Variants in ARID1B observed in about 807,000 individuals in gnomAD.
The protein encoded by ARID1B is AT-rich interaction domain 1B.
In ARID1B, 30 loss-of-function variants were observed where a neutral mutation model predicts 212.3. That is an observed-to-expected ratio of 0.14 (90% CI 0.11 to 0.19). The LOEUF (loss-of-function observed/expected upper bound fraction) is 0.19. ARID1B is among the 10% of genes least tolerant of loss of function. ARID1B has a pLI of 1.00. For synonymous variants in ARID1B, 1,402 were observed against 1,301.7 expected, an observed-to-expected ratio of 1.08 and a Z score of -1.66; for missense variants, 2,891 against 3,204.0, an observed-to-expected ratio of 0.90 and a Z score of 2.36.
At chr6:157,138,840 G>A (rs1250382773) in intron 7 of ARID1B, among the ~76,000 whole-genome samples, 1 of 152,110 alleles carries the variant, frequency 6.6e-6, no homozygotes, top group Non-Finnish European at 1.5e-5. Flanking sequence ...CTTCTATACT[G>A]TTATGTTTTA....
At chr6:157,189,954 T>C (rs1210781110) in intron 14 of ARID1B, 84 bp from the exon 15 acceptor site, 26 of 1,584,068 alleles carry the variant, frequency 1.6e-5, no homozygotes, top group Non-Finnish European at 2.1e-5. Flanking sequence ...TTTGCACATT[T>C]CAAGATGGGT....
chr6:157,163,862 T>TA (rs1466506843), intron 8 of ARID1B, among the ~76,000 whole-genome samples: 4 of 152,326 alleles, frequency 2.6e-5, no homozygotes, highest in African/African-American at 9.6e-5. Context: ...TTAGCAGTGT[T>TA]AGAGTCCCAT....
intron 4 of ARID1B, among the ~76,000 whole-genome samples, chr6:157,083,790 A>G (rs75809715): frequency 0.025 from 3,839 of 152,348 alleles, 73 homozygotes; most frequent in Non-Finnish European, 0.042. Flanking sequence ...TTTTCACAAT[A>G]TCATATATAA....
At chr6:157,064,196 C>G (rs368513667) in intron 4 of ARID1B, among the ~76,000 whole-genome samples, 22 of 152,266 alleles carry the variant, frequency 1.4e-4, no homozygotes, top group African/African-American at 5.3e-4. Context: ...CTGATCAGCC[C>G]CTCGTTTGAC....
chr6:156,902,735 CA>C (rs869259426), intron 3 of ARID1B, among the ~76,000 whole-genome samples: 1,326 of 61,502 alleles, frequency 0.022, 1 homozygote, highest in Non-Finnish European at 0.028. Context: ...GACTCTGTCT[CA>C]AAAAAAAAAA....
At chr6:156,901,262 G>T in intron 2 of ARID1B, 114 bp from the exon 3 acceptor site, 1 of 1,156,154 alleles carries the variant, frequency 8.6e-7, no homozygotes, top group Non-Finnish European at 1.3e-6. Context: ...TAGAAATATT[G>T]AGTTTAGTTG....
At chr6:157,021,433 C>T (rs911184239) in intron 4 of ARID1B, among the ~76,000 whole-genome samples, 1 of 152,196 alleles carries the variant, frequency 6.6e-6, no homozygotes, top group Admixed American at 6.5e-5. Flanking sequence ...CGGAGGGGAC[C>T]GAGTCACACA....
chr6:157,099,267 T>C (rs10485198), intron 5 of ARID1B, among the ~76,000 whole-genome samples: 16,636 of 152,222 alleles, frequency 0.11, 961 homozygotes, highest in African/African-American at 0.13. Flanking sequence ...TTATCTTTAA[T>C]CAAAGCTGTG....
intron 2 of ARID1B, among the ~76,000 whole-genome samples, chr6:156,891,666 G>A (rs1787931707): frequency 6.6e-6 from 1 of 152,080 alleles, no homozygotes; most frequent in South Asian, 2.1e-4. Context: ...TAAATATAGT[G>A]TAAAATGAGG....
intron 2 of ARID1B, among the ~76,000 whole-genome samples, chr6:156,852,053 G>T (rs546162309): frequency 6.6e-6 from 1 of 152,060 alleles, no homozygotes; most frequent in Admixed American, 6.5e-5. Flanking sequence ...TTTACCTCTC[G>T]CAAGAGCATA....
chr6:156,851,574 A>G (rs1177733583), intron 2 of ARID1B, among the ~76,000 whole-genome samples: 1 of 152,174 alleles, frequency 6.6e-6, no homozygotes, highest in African/African-American at 2.4e-5. Flanking sequence ...TTCACTTTCA[A>G]GCTCCAGAAA....
rs1342324128 is a variant in ARID1B at position 157,094,218 on chromosome 6, A to G, written c.2491+9313A>G. Among the ~76,000 whole-genome samples, 1 of 152,136 alleles carries G rather than the reference A, an allele frequency of 6.6e-6. No homozygotes were observed. Among genetic ancestry groups the G allele is most frequent in the African/African-American group, 2.4e-5 (1 of 41,428 alleles). ...AAGGCCCTGAGTTAGTATTGTGCTT[A>G]GTGTGTTGGGCGGCGAACACCAGGA... On this transcript the variant is annotated intron_variant, in intron 5 of 19. Coordinates refer to ENST00000636930, the MANE Select transcript of ARID1B (RefSeq NM_001374828.1). This position sits in a 1 kb window ranked among gnomAD's most constrained non-coding sequence, Gnocchi z 4.3.
intron 3 of ARID1B, among the ~76,000 whole-genome samples, chr6:156,910,984 G>A (rs547377539): frequency 4.6e-5 from 7 of 152,254 alleles, no homozygotes; most frequent in African/African-American, 1.7e-4. Flanking sequence ...ATATAATAAA[G>A]TATTGTATGC....
intron 4 of ARID1B, among the ~76,000 whole-genome samples, chr6:156,944,901 C>T (rs60815806): frequency 2.7e-5 from 4 of 150,774 alleles, no homozygotes; most frequent in Non-Finnish European, 4.4e-5. Flanking sequence ...CAAGCTTTTT[C>T]TTCTTCTTCT....
chr6:157,172,455 G>T (rs1178741299), intron 9 of ARID1B, among the ~76,000 whole-genome samples: 1 of 152,224 alleles, frequency 6.6e-6, no homozygotes, highest in Non-Finnish European at 1.5e-5. Context: ...TATGATTTGT[G>T]TGTGTTGTGA....
At chr6:156,854,952 A>T (rs149205022) in intron 2 of ARID1B, among the ~76,000 whole-genome samples, 2 of 152,358 alleles carry the variant, frequency 1.3e-5, no homozygotes, top group Non-Finnish European at 2.9e-5. Context: ...CTTCCAGTCA[A>T]TTACTAGGCA....
At chr6:157,003,914 C>T (rs1012380399) in intron 4 of ARID1B, among the ~76,000 whole-genome samples, 1 of 151,880 alleles carries the variant, frequency 6.6e-6, no homozygotes, top group East Asian at 1.9e-4. Flanking sequence ...GCAAGAGGAT[C>T]GCTTGAGCCC....
chr6:157,039,831 TCTTTCTTTCTCTC>T (rs1781718920), intron 4 of ARID1B, among the ~76,000 whole-genome samples: 1 of 118,508 alleles, frequency 8.4e-6, no homozygotes, highest in Non-Finnish European at 1.8e-5. Context: ...TCTCTTTCTC[TCTTTCTTTCTCTC>T]TCTTTCTCTC....
chr6:156,876,422 C>T (rs549831850), intron 2 of ARID1B, among the ~76,000 whole-genome samples: 6 of 152,244 alleles, frequency 3.9e-5, no homozygotes, highest in Admixed American at 1.3e-4. Flanking sequence ...GTGGCTCTAC[C>T]CTGGACCACG....
Sources: gnomAD v4.1 joint callset for allele counts (sites outside exome capture counted in the v4.1 genomes callset) on GRCh38, gnomAD v4.1.1 for gene constraint, Gnocchi (gnomAD v3.1) non-coding constraint, MANE v1.5 for transcripts, NCBI Gene and HGNC (gene_info 2026-07-23, HGNC 2026-07-21) for gene names.